NUDCD3: variants seen among roughly 807,000 people sequenced by gnomAD.
The protein encoded by NUDCD3 is NudC domain containing 3, also known as nudC domain-containing protein 3.
NUDCD3 carries 13 observed loss-of-function variants against 39.7 expected under a neutral mutation model. The observed-to-expected ratio is 0.33, with a 90% CI of 0.21 to 0.52. NUDCD3 has a LOEUF of 0.52. NUDCD3 is among the 20% of genes least tolerant of loss of function. The probability of loss-of-function intolerance (pLI) is 0.96; values close to 1 mark genes in which losing one functional copy is unlikely to be tolerated. For synonymous variants in NUDCD3, 175 were observed against 172.4 expected, an observed-to-expected ratio of 1.02 and a Z score of -0.12; for missense variants, 453 against 458.1, an observed-to-expected ratio of 0.99 and a Z score of 0.10.
intron 4 of NUDCD3, among the ~76,000 whole-genome samples, chr7:44,398,833 G>C (rs145823623): frequency 3.3e-4 from 50 of 152,374 alleles, no homozygotes; most frequent in African/African-American, 1.1e-3. Flanking sequence ...AGACGACAGC[G>C]TGGCAGAGGT....
At chr7:44,420,724 A>C (rs1799121563) in intron 3 of NUDCD3, among the ~76,000 whole-genome samples, 1 of 152,060 alleles carries the variant, frequency 6.6e-6, no homozygotes, top group Non-Finnish European at 1.5e-5. Context: ...AATTTTAAAC[A>C]CAGAATTTCA....
intron 3 of NUDCD3, among the ~76,000 whole-genome samples, chr7:44,415,903 G>GT (rs1799012052): frequency 6.6e-6 from 1 of 152,156 alleles, no homozygotes; most frequent in Non-Finnish European, 1.5e-5. Context: ...ACAGGCAACC[G>GT]TGACAGGTAG....
chr7:44,485,157 T>A lies in NUDCD3; in HGVS notation c.320A>T (p.Glu107Val), dbSNP rs746764203. 1 of 1,614,160 alleles carries A rather than the reference T, an allele frequency of 6.2e-7. No individual in the cohort carries two copies. Among genetic ancestry groups the A allele is most frequent in the South Asian group, 1.1e-5 (1 of 91,080 alleles). Residue 107 changes from glutamate (E) to valine (V), a missense_variant, in exon 2 of 6, where the codon GAG (glutamate) becomes GTG (valine). By Grantham distance (121) the Glu-to-Val change is moderately radical. Transcript: ENST00000355451. ...KTVSAAAAEK[E>V]PVPVPVQEIE... Reference sequence around the variant, plus strand: ...TTCCTGGACTGGAACTGGGACTGGCTCCTTCTCAGCTGCAGCAGCTGACAC... The same window carrying A: ...TTCCTGGACTGGAACTGGGACTGGCACCTTCTCAGCTGCAGCAGCTGACAC...
At chr7:44,487,326 A>G (rs1800631573) in intron 1 of NUDCD3, among the ~76,000 whole-genome samples, 1 of 152,154 alleles carries the variant, frequency 6.6e-6, no homozygotes, top group Non-Finnish European at 1.5e-5. Context: ...TTGAAGTTCC[A>G]CAATGATGCA....
rs190218482 is a variant in NUDCD3 at position 44,432,925 on chromosome 7, C to T, written c.510-5222G>A. 6.5e-3 allele frequency among the ~76,000 whole-genome samples: 986 copies of T among 152,256 alleles called. 1 individual carries two copies. The highest frequency in any genetic ancestry group is 0.01 in the Non-Finnish European group (687 of 68,028). On this transcript the variant is annotated intron_variant, in intron 2 of 5. Transcript: ENST00000355451. Reference sequence around the variant, plus strand: ...TGCTAGGGTCTGAAATGTTTGTGTTCCCCTAAAACGTGTATCTTGAAATCC... The same window carrying T: ...TGCTAGGGTCTGAAATGTTTGTGTTTCCCTAAAACGTGTATCTTGAAATCC...
At chr7:44,389,148 T>C (rs1264557000) in intron 5 of NUDCD3, among the ~76,000 whole-genome samples, 3 of 152,260 alleles carry the variant, frequency 2.0e-5, no homozygotes, top group Non-Finnish European at 4.4e-5. Flanking sequence ...TGAAGGGGGA[T>C]GCCAGTTGCA....
intron 4 of NUDCD3, among the ~76,000 whole-genome samples, chr7:44,399,599 A>T (rs1798683999): frequency 6.6e-6 from 1 of 152,226 alleles, no homozygotes; most frequent in Admixed American, 6.5e-5. Context: ...AAGAAGTGAC[A>T]CTGGAAGTAT....
At chr7:44,465,623 T>C (rs1037746906) in intron 2 of NUDCD3, among the ~76,000 whole-genome samples, 1 of 152,072 alleles carries the variant, frequency 6.6e-6, no homozygotes, top group Admixed American at 6.5e-5. Context: ...CATAGATAAG[T>C]ATGCTTGTAT....
rs1422291283 is a variant in NUDCD3 at position 44,490,519 on chromosome 7, G to A, written c.82C>T (p.Arg28Cys). 6.2e-6 allele frequency: 10 copies of A among 1,611,878 alleles called. No homozygotes were observed. Among genetic ancestry groups the A allele is most frequent in the Non-Finnish European group, 6.8e-6 (8 of 1,179,100 alleles). ...CGGTAGAGGAAGCCAAAGAGAACGC[G>A]CAGGAAATCCTGGACGTTGCCCACG... is the stretch of plus-strand genomic sequence containing the variant. ...QHVGNVQDFLRVLFGFLYRKT... is the reference protein window; with the variant it reads ...QHVGNVQDFLCVLFGFLYRKT... The change falls in exon 1 of 6, where the codon CGC (arginine) becomes TGC (cysteine). Residue 28 changes from arginine (R) to cysteine (C), a missense_variant. Arg to Cys is a radical substitution (Grantham distance 180, BLOSUM62 -3). Coordinates refer to ENST00000355451, the MANE Select transcript of NUDCD3 (RefSeq NM_015332.4).
At chr7:44,418,125 G>T (rs932342995) in intron 3 of NUDCD3, among the ~76,000 whole-genome samples, 1 of 152,170 alleles carries the variant, frequency 6.6e-6, no homozygotes, top group Non-Finnish European at 1.5e-5. Context: ...ACTGCAGAGG[G>T]AGTGGTCATG....
chr7:44,483,420 G>A (rs1269575515), intron 2 of NUDCD3, among the ~76,000 whole-genome samples: 2 of 152,142 alleles, frequency 1.3e-5, no homozygotes, highest in African/African-American at 2.4e-5. Context: ...CAAAAAAGCT[G>A]AAAGAATTCA....
At chr7:44,488,663 G>A (rs1385537858) in intron 1 of NUDCD3, among the ~76,000 whole-genome samples, 4 of 152,074 alleles carry the variant, frequency 2.6e-5, no homozygotes, top group Non-Finnish European at 4.4e-5. Flanking sequence ...CCTAAACCCA[G>A]GTGACAGTTC....
chr7:44,429,166 G>A (rs1183221022), intron 2 of NUDCD3, among the ~76,000 whole-genome samples: 2 of 152,214 alleles, frequency 1.3e-5, no homozygotes. Flanking sequence ...ACCACGGCCT[G>A]AGTCCTCTGG....
chr7:44,401,517 A>C (rs1199204265), intron 4 of NUDCD3, among the ~76,000 whole-genome samples: 2 of 152,322 alleles, frequency 1.3e-5, no homozygotes, highest in South Asian at 4.1e-4. Context: ...AATGCTCTCC[A>C]TAACTCCTCT....
Position 44,404,425 on chromosome 7 carries a change from G to C in NUDCD3, c.786+15C>G, listed in dbSNP as rs752576031. ...AGTCCACCTGGGAGCCCTACACACA[G>C]GTGCCCAAACTTACCAAAACGCACT... On this transcript the variant is annotated intron_variant, in intron 4 of 5. Transcript: ENST00000355451. 10 of 1,612,986 alleles carry C rather than the reference G, an allele frequency of 6.2e-6. No individual in the cohort carries two copies. In the Middle Eastern group the frequency reaches 4.9e-4, roughly 80 times the overall value.
chr7:44,481,624 A>T (rs1800492409), intron 2 of NUDCD3, among the ~76,000 whole-genome samples: 1 of 152,274 alleles, frequency 6.6e-6, no homozygotes, highest in Admixed American at 6.5e-5. Context: ...CCATGTCAGT[A>T]GTCTTTAAAA....
intron 2 of NUDCD3, among the ~76,000 whole-genome samples, chr7:44,453,021 A>G (rs930143076): frequency 1.3e-5 from 2 of 152,204 alleles, no homozygotes. Context: ...ACAGTTCCAC[A>G]TAACAGCTCA....
intron 2 of NUDCD3, among the ~76,000 whole-genome samples, chr7:44,449,430 G>A (rs1486363275): frequency 6.6e-6 from 1 of 152,190 alleles, no homozygotes; most frequent in African/African-American, 2.4e-5. Flanking sequence ...TCAAACTGCT[G>A]ATGTCAGCTC....
chr7:44,469,773 G>A (rs1218399341), intron 2 of NUDCD3, among the ~76,000 whole-genome samples: 3 of 147,936 alleles, frequency 2.0e-5, no homozygotes, highest in East Asian at 2.0e-4. Context: ...CATATAACAC[G>A]AATACAGTCA....
Sources: allele counts gnomAD v4.1 joint callset (sites outside exome capture counted in the v4.1 genomes callset), GRCh38; gene constraint gnomAD v4.1.1; transcripts MANE v1.5; gene names NCBI Gene and HGNC (gene_info 2026-07-23, HGNC 2026-07-21).